Variants in IMMP2L observed in about 807,000 individuals in gnomAD.
The protein encoded by IMMP2L is mitochondrial inner membrane protease subunit 2.
In IMMP2L, 18 loss-of-function variants were observed where a neutral mutation model predicts 19.3. The observed-to-expected ratio is 0.93, with a 90% CI of 0.64 to 1.38. The LOEUF (loss-of-function observed/expected upper bound fraction) is 1.38, where lower values mean the gene tolerates loss of function less well. Among genes scored for constraint, IMMP2L ranks in the 40% most tolerant of loss-of-function variants. The pLI is 0.00. For missense variants in IMMP2L, 233 were observed against 218.2 expected (o/e 1.07, Z -0.43); for synonymous variants, 76 against 73.0 (o/e 1.04, Z -0.21).
At chr7:110,974,475 T>C (rs1003321834) in intron 3 of IMMP2L, among the ~76,000 whole-genome samples, 4 of 152,196 alleles carry the variant, frequency 2.6e-5, no homozygotes, top group Admixed American at 6.6e-5. Flanking sequence ...TAAAATAAAA[T>C]GCCTTTCTGA....
intron 3 of IMMP2L, among the ~76,000 whole-genome samples, chr7:111,365,130 C>T (rs1045120386): frequency 2.0e-4 from 30 of 152,170 alleles, no homozygotes; most frequent in African/African-American, 7.2e-4. Flanking sequence ...CTTAACCTTT[C>T]TGCTGCTGAA....
chr7:110,669,932 C>T (rs1791775339), intron 5 of IMMP2L, among the ~76,000 whole-genome samples: 1 of 152,168 alleles, frequency 6.6e-6, no homozygotes, highest in Admixed American at 6.5e-5. Context: ...CTTCTCAATA[C>T]TGCTAGGTCC....
chr7:111,101,245 C>A lies in IMMP2L; in HGVS notation c.240-137680G>T, dbSNP rs182023848. On this transcript the variant is annotated intron_variant, in intron 3 of 5. Transcript: ENST00000405709. ...TTACCACTTATTCATTTAGACATTT[C>A]ATCTCATGGTCATTTAATCAATGAC... 7.0e-4 allele frequency among the ~76,000 whole-genome samples: 106 copies of A among 151,586 alleles called. 1 individual carries two copies. Among genetic ancestry groups the A allele is most frequent in the African/African-American group, 2.4e-3 (101 of 41,436 alleles).
chr7:110,729,852 C>T (rs529609728), intron 5 of IMMP2L, among the ~76,000 whole-genome samples: 1 of 152,056 alleles, frequency 6.6e-6, no homozygotes, highest in Non-Finnish European at 1.5e-5. Context: ...GTGCAACAAA[C>T]CACCATGGCA....
At chr7:110,680,188 A>G (rs7807511) in intron 5 of IMMP2L, among the ~76,000 whole-genome samples, 11,846 of 152,288 alleles carry the variant, frequency 0.078, 526 homozygotes, top group Middle Eastern at 0.13. Flanking sequence ...TAGATTACAC[A>G]GAAGTTTAGA....
intron 1 of IMMP2L, among the ~76,000 whole-genome samples, chr7:111,555,911 T>C (rs1791240816): frequency 6.6e-6 from 1 of 151,060 alleles, no homozygotes; most frequent in African/African-American, 2.4e-5. Context: ...TTGTATACTA[T>C]TGGTACAACC....
chr7:111,047,173 T>C (rs1792480063), intron 3 of IMMP2L, among the ~76,000 whole-genome samples: 1 of 14,250 alleles, frequency 7.0e-5, no homozygotes, highest in African/African-American at 1.4e-4. Flanking sequence ...AATGTCTTTT[T>C]TGTTTTTTTT....
intron 3 of IMMP2L, among the ~76,000 whole-genome samples, chr7:111,166,442 A>G (rs949605740): frequency 6.6e-6 from 1 of 152,036 alleles, no homozygotes; most frequent in Admixed American, 6.6e-5. Context: ...CTTAAGTTAC[A>G]TAAAAAGAGA....
intron 3 of IMMP2L, among the ~76,000 whole-genome samples, chr7:111,394,630 G>C (rs138773482): frequency 6.6e-6 from 1 of 151,950 alleles, no homozygotes. Context: ...TCATCTCAAA[G>C]AAATAAGTAA....
intron 1 of IMMP2L, among the ~76,000 whole-genome samples, chr7:111,552,403 T>C (rs1285821460): frequency 6.6e-6 from 1 of 152,140 alleles, no homozygotes; most frequent in Non-Finnish European, 1.5e-5. Context: ...TCCTCCTGCC[T>C]CAGCCTCCTG....
At chr7:110,730,769 C>T (rs896141678) in intron 5 of IMMP2L, among the ~76,000 whole-genome samples, 9 of 152,168 alleles carry the variant, frequency 5.9e-5, no homozygotes, top group East Asian at 1.9e-4. Context: ...TCGTGATCCA[C>T]CCGCCTCAGC....
At chr7:110,971,693 G>GT (rs985219466) in intron 3 of IMMP2L, among the ~76,000 whole-genome samples, 2 of 152,066 alleles carry the variant, frequency 1.3e-5, no homozygotes, top group Admixed American at 1.3e-4. Flanking sequence ...CTTGCAATAG[G>GT]ACACTTAAAA....
At chr7:110,881,829 C>G (rs1809671839) in intron 5 of IMMP2L, among the ~76,000 whole-genome samples, 1 of 152,154 alleles carries the variant, frequency 6.6e-6, no homozygotes, top group Admixed American at 6.5e-5. Flanking sequence ...TCACTTCATT[C>G]ACAAAACATA....
At chr7:111,157,384 C>G (rs879138394) in intron 3 of IMMP2L, among the ~76,000 whole-genome samples, 1 of 152,090 alleles carries the variant, frequency 6.6e-6, no homozygotes, top group East Asian at 1.9e-4. Flanking sequence ...CAGTGGAGTA[C>G]TCTTCAGCCA....
intron 1 of IMMP2L, among the ~76,000 whole-genome samples, chr7:111,539,335 A>G (rs1215740768): frequency 1.3e-5 from 2 of 152,124 alleles, no homozygotes; most frequent in African/African-American, 4.8e-5. Context: ...ACTTTTCTGT[A>G]TTTTTCTTCA....
intron 3 of IMMP2L, among the ~76,000 whole-genome samples, chr7:111,407,717 T>C (rs185175121): frequency 2.6e-4 from 39 of 152,110 alleles, no homozygotes; most frequent in African/African-American, 8.9e-4. Flanking sequence ...CATTCCAAAA[T>C]TGGATTACAG....
At chr7:111,470,254 G>A (rs1406263874) in intron 3 of IMMP2L, among the ~76,000 whole-genome samples, 1 of 152,084 alleles carries the variant, frequency 6.6e-6, no homozygotes, top group Non-Finnish European at 1.5e-5. Flanking sequence ...TGGAGAAATA[G>A]GAACACTTTT....
chr7:111,157,974 G>A (rs927871483), intron 3 of IMMP2L, among the ~76,000 whole-genome samples: 2 of 151,944 alleles, frequency 1.3e-5, no homozygotes, highest in African/African-American at 4.8e-5. Flanking sequence ...TTAACTTACT[G>A]TAGTTGTCTG....
chr7:111,401,076 G>C (rs1443188333), intron 3 of IMMP2L, among the ~76,000 whole-genome samples: 1 of 152,064 alleles, frequency 6.6e-6, no homozygotes, highest in African/African-American at 2.4e-5. Context: ...GGACAGAACA[G>C]ATTTGCTTCT....
Sources: allele counts gnomAD v4.1 joint callset (sites outside exome capture counted in the v4.1 genomes callset), GRCh38; gene constraint gnomAD v4.1.1; transcripts MANE v1.5; gene names NCBI Gene and HGNC (gene_info 2026-07-23, HGNC 2026-07-21).